Variants in NUP98 observed in about 807,000 individuals in gnomAD.
The protein encoded by NUP98 is nucleoporin 98 and 96 precursor.
Under a neutral mutation model 191.9 loss-of-function variants are expected in NUP98, and 26 were observed. That is an observed-to-expected ratio of 0.14 (90% CI 0.10 to 0.19). The LOEUF is 0.19. Ranked by LOEUF, NUP98 falls within the 10% of genes least tolerant of loss-of-function variation. NUP98 has a pLI of 1.00. For missense variants in NUP98, 1,941 were observed against 2,178.8 expected, an observed-to-expected ratio of 0.89 and a Z score of 2.17; for synonymous variants, 808 against 778.4, an observed-to-expected ratio of 1.04 and a Z score of -0.63.
chr11:3,779,102 C>A, intron 3 of NUP98, 53 bp from the exon 4 acceptor site: 1 of 1,612,684 alleles, frequency 6.2e-7, no homozygotes. Context: ...GCCACTAAGT[C>A]AATTCCTATA....
intron 4 of NUP98, among the ~76,000 whole-genome samples, chr11:3,778,138 G>A (rs1431645523): frequency 2.1e-5 from 3 of 141,402 alleles, no homozygotes; most frequent in East Asian, 2.1e-4. Flanking sequence ...GGCACAGCTC[G>A]CAATGAGCCG....
chr11:3,761,809 T>G (rs1486322212), intron 9 of NUP98, among the ~76,000 whole-genome samples: 1 of 151,466 alleles, frequency 6.6e-6, no homozygotes, highest in Non-Finnish European at 1.5e-5. Context: ...CCTGGCATGG[T>G]GTCACACGCC....
chr11:3,706,690 A>C, intron 20 of NUP98, 63 bp from the exon 21 acceptor site: 1 of 1,428,020 alleles, frequency 7.0e-7, no homozygotes. Flanking sequence ...ATAGATTCTA[A>C]ATCAGATTTA....
intron 1 of NUP98, among the ~76,000 whole-genome samples, chr11:3,794,353 C>G (rs188945700): frequency 6.6e-6 from 1 of 152,170 alleles, no homozygotes; most frequent in Non-Finnish European, 1.5e-5. Context: ...GTCAGAGTCT[C>G]GCTGTCGCCC....
chr11:3,689,917 G>A (rs1255695595), intron 28 of NUP98, among the ~76,000 whole-genome samples: 2 of 147,746 alleles, frequency 1.4e-5, no homozygotes, highest in Non-Finnish European at 3.0e-5. Context: ...GATTACAGGT[G>A]TGAGCCACCA....
At chr11:3,706,706 T>G in intron 20 of NUP98, 79 bp from the exon 21 acceptor site, 1 of 1,325,168 alleles carries the variant, frequency 7.5e-7, no homozygotes, top group Non-Finnish European at 1.1e-6. Context: ...ATTTACTTTA[T>G]TCAGAATATG....
chr11:3,753,865 G>A (rs2134448828), intron 10 of NUP98, among the ~76,000 whole-genome samples: 1 of 146,864 alleles, frequency 6.8e-6, no homozygotes, highest in South Asian at 2.1e-4. Context: ...TTTCAACCCA[G>A]GAGGCAAAGG....
intron 15 of NUP98, among the ~76,000 whole-genome samples, chr11:3,723,825 GTTTC>G (rs1037444033): frequency 7.0e-6 from 1 of 142,440 alleles, no homozygotes; most frequent in African/African-American, 2.6e-5. Flanking sequence ...TATACAAAGG[GTTTC>G]TTTTTTTTTT....
At chr11:3,765,006 G>C (rs566142131) in intron 8 of NUP98, among the ~76,000 whole-genome samples, 7 of 152,170 alleles carry the variant, frequency 4.6e-5, no homozygotes, top group African/African-American at 1.2e-4. Context: ...ATCTTCTCTG[G>C]AGAAATGTCA....
At chr11:3,774,721 A>G (rs2081651717) in intron 5 of NUP98, among the ~76,000 whole-genome samples, 1 of 152,078 alleles carries the variant, frequency 6.6e-6, no homozygotes. Context: ...AAAAAAAAAG[A>G]AATATGGAAA....
intron 10 of NUP98, among the ~76,000 whole-genome samples, chr11:3,756,658 G>A (rs544746957): frequency 8.0e-4 from 122 of 152,124 alleles, no homozygotes; most frequent in Non-Finnish European, 1.3e-3. Context: ...CTGACCTCAG[G>A]TGATCTGCCA....
chr11:3,705,091 T>G (rs941290405), intron 22 of NUP98, 109 bp downstream of exon 22: 1 of 972,840 alleles, frequency 1.0e-6, no homozygotes. Flanking sequence ...GTATAGTTGT[T>G]TGGCAGATAC....
Position 3,712,639 on chromosome 11 carries a change from A to C in NUP98, c.2667T>G (p.Thr889=). 7.4e-6 allele frequency: 12 copies of C among 1,613,906 alleles called. No homozygotes were observed. The highest frequency in any genetic ancestry group is 1.0e-5 in the Non-Finnish European group (12 of 1,180,002). ...PSKTSTKKLK[T]APLPPASQTT... The stretch of plus-strand genomic sequence containing the variant: ...TCTGGCTTGCAGGAGGCAAAGGAGC[A>C]GTCTTCAACTTCTTTGTACTAGTTT... Residue 889 remains threonine, a synonymous_variant, in exon 20 of 33, where the codon ACT becomes ACG. Transcript: ENST00000324932.
At chr11:3,700,529 A>G (rs957321204) in intron 24 of NUP98, 81 bp downstream of exon 24, 1 of 963,958 alleles carries the variant, frequency 1.0e-6, no homozygotes, top group Non-Finnish European at 1.6e-6. Context: ...GACTGGTGCC[A>G]GGAAATTCAT....
chr11:3,770,175 A>G (rs919535826), intron 7 of NUP98, among the ~76,000 whole-genome samples: 4 of 150,572 alleles, frequency 2.7e-5, no homozygotes, highest in Non-Finnish European at 5.9e-5. Context: ...TGAAACCCCA[A>G]CTCTATTAAA....
chr11:3,741,218 TA>T (rs1364199734), intron 12 of NUP98, among the ~76,000 whole-genome samples: 4 of 151,984 alleles, frequency 2.6e-5, no homozygotes, highest in South Asian at 2.1e-4. Context: ...AGAAGAACGC[TA>T]AAAAAATTTT....
chr11:3,779,384 G>C, intron 2 of NUP98, 127 bp from the exon 3 acceptor site: 1 of 812,658 alleles, frequency 1.2e-6, no homozygotes, highest in East Asian at 2.5e-5. Flanking sequence ...GCTCACGCCT[G>C]TAATCCCAGC....
intron 24 of NUP98, among the ~76,000 whole-genome samples, chr11:3,699,946 G>T (rs1307571320): frequency 6.6e-6 from 1 of 152,086 alleles, no homozygotes; most frequent in African/African-American, 2.4e-5. Flanking sequence ...GAAAAACATG[G>T]TCATGATAGA....
intron 1 of NUP98, among the ~76,000 whole-genome samples, chr11:3,794,419 C>T (rs752495349): frequency 1.3e-5 from 2 of 152,080 alleles, no homozygotes; most frequent in African/African-American, 4.8e-5. Flanking sequence ...CTCCCGAGTT[C>T]AAGCAATTCT....
Sources: gnomAD v4.1 joint callset for allele counts (sites outside exome capture counted in the v4.1 genomes callset) on GRCh38, gnomAD v4.1.1 for gene constraint, MANE v1.5 for transcripts, NCBI Gene and HGNC (gene_info 2026-07-23, HGNC 2026-07-21) for gene names.